Variants in FREM2 observed in about 807,000 individuals in gnomAD.
FREM2 encodes the protein FRAS1-related extracellular matrix protein 2.
Under a neutral mutation model 219.9 loss-of-function variants are expected in FREM2, and 119 were observed. The observed-to-expected ratio is 0.54, with a 90% CI of 0.47 to 0.63. FREM2 has a LOEUF of 0.63. Among genes scored for constraint, FREM2 ranks in the 30% least tolerant of loss-of-function variants. FREM2 has a pLI of 0.00. For synonymous variants in FREM2, 1,562 were observed against 1,522.8 expected (o/e 1.03, Z -0.60); for missense variants, 4,030 against 3,993.6 (o/e 1.01, Z -0.25).
At chr13:38,787,549 A>G (rs1217281835) in intron 6 of FREM2, among the ~76,000 whole-genome samples, 3 of 152,112 alleles carry the variant, frequency 2.0e-5, no homozygotes, top group Admixed American at 6.6e-5. Flanking sequence ...CATCGTCAGG[A>G]AGATAGATAG....
intron 16 of FREM2, among the ~76,000 whole-genome samples, chr13:38,871,030 C>T (rs947105259): frequency 1.3e-5 from 2 of 152,120 alleles, no homozygotes; most frequent in Non-Finnish European, 1.5e-5. Context: ...CATTTCCCTG[C>T]ACTTCAAAAT....
chr13:38,799,255 A>G (rs1313729930), intron 6 of FREM2, among the ~76,000 whole-genome samples: 3 of 151,630 alleles, frequency 2.0e-5, no homozygotes, highest in Non-Finnish European at 3.0e-5. Flanking sequence ...TTTAATTTTC[A>G]TGTATTTGTA....
In FREM2 at chr13:38,814,797, T is replaced by C. The variant is rs566837799; in HGVS notation, c.6019+29989T>C. On this transcript the variant is annotated intron_variant, in intron 6 of 23. Transcript: ENST00000280481. ...AACCACAATGCAAAGTGCTTGCTGC[T>C]CTTCTCTCCCCTTTTCGCAGTCAGA... 3.9e-5 allele frequency among the ~76,000 whole-genome samples: 6 copies of C among 152,316 alleles called. 1 individual carries two copies. In the East Asian group the frequency reaches 1.2e-3, roughly 29 times the overall value.
At chr13:38,775,582 T>TG (rs1873840049) in intron 4 of FREM2, among the ~76,000 whole-genome samples, 1 of 152,194 alleles carries the variant, frequency 6.6e-6, no homozygotes, top group African/African-American at 2.4e-5. Flanking sequence ...AACAAAAACA[T>TG]TTAATAATTC....
intron 7 of FREM2, 36 bp from the exon 8 acceptor site, chr13:38,848,425 A>G (rs1302288559): frequency 1.4e-6 from 2 of 1,407,488 alleles, no homozygotes; most frequent in Admixed American, 3.3e-5. Flanking sequence ...AAATTTAATT[A>G]GTCCCCAACT....
chr13:38,807,228 T>TG lies in FREM2; in HGVS notation c.6019+22421dup, dbSNP rs71074482. Among the ~76,000 whole-genome samples, 10 of 129,656 alleles carry TG rather than the reference T, an allele frequency of 7.7e-5. 1 individual carries two copies. In the Admixed American group the frequency reaches 8.0e-4, roughly 10 times the overall value. The allele number at this position is 129,656 out of a possible 152,430, so 85.1% of individuals were successfully genotyped here. ...ATATATATATATATATATATATATA[T>TG]GTATGGTTTTGTTTTGTTTTGTTTT... On this transcript the variant is annotated intron_variant, in intron 6 of 23. Transcript: ENST00000280481.
At chr13:38,813,494 CT>C (rs1381133294) in intron 6 of FREM2, among the ~76,000 whole-genome samples, 485 of 16,280 alleles carry the variant, frequency 0.03, 19 homozygotes, top group African/African-American at 0.093. Context: ...CTCTCTCTCT[CT>C]CTCTCTCTCT....
At chr13:38,742,834 C>G (rs1000452269) in intron 2 of FREM2, among the ~76,000 whole-genome samples, 3 of 152,088 alleles carry the variant, frequency 2.0e-5, no homozygotes, top group Non-Finnish European at 1.5e-5. Context: ...TCTACTGAAC[C>G]AACAACATGT....
rs1401363004 is a variant in FREM2, at chr13:38,691,350, G to T, written c.4006G>T (p.Asp1336Tyr). 6.2e-7 allele frequency: 1 copy of T among 1,613,658 alleles called. No homozygotes were observed. Among genetic ancestry groups the T allele is most frequent in the Admixed American group, 1.7e-5 (1 of 60,002 alleles). Residue 1336 changes from aspartate to tyrosine, a missense_variant, in exon 1 of 24, where the codon GAC becomes TAC. This residue lies in a region of FREM2 where 3,102 missense variants were observed against 2,950.7 expected (regional missense o/e 1.05). Transcript: ENST00000280481. ...AATGGCAACAGATTTAGATTCAGAA[G>T]ACAAATCTTTGGTTTATATTATTCG... ...ILMATDLDSE[D>Y]KSLVYIIRYG...
chr13:38,832,772 C>T (rs1286753784), intron 6 of FREM2, among the ~76,000 whole-genome samples: 1 of 152,068 alleles, frequency 6.6e-6, no homozygotes, highest in Non-Finnish European at 1.5e-5. Context: ...CAGCAGGGTT[C>T]AGTGGCTCAT....
chr13:38,774,140 G>A (rs1229811522), intron 4 of FREM2, among the ~76,000 whole-genome samples: 2 of 151,708 alleles, frequency 1.3e-5, no homozygotes, highest in Admixed American at 6.6e-5. Context: ...TCACTGTGAC[G>A]TTGTTTTACT....
chr13:38,750,786 G>A (rs1444721549), intron 2 of FREM2, among the ~76,000 whole-genome samples: 1 of 151,898 alleles, frequency 6.6e-6, no homozygotes, highest in African/African-American at 2.4e-5. Flanking sequence ...CTCTGCCTCT[G>A]GGGTTCAAGC....
At chr13:38,865,003 A>G (rs1053298717) in intron 16 of FREM2, among the ~76,000 whole-genome samples, 5 of 152,074 alleles carry the variant, frequency 3.3e-5, no homozygotes, top group African/African-American at 1.2e-4. Flanking sequence ...GAGGTTTTAC[A>G]ATCCTGGGAG....
In FREM2 at chr13:38,719,424, T is replaced by A. The variant is rs151005873; in HGVS notation, c.5263+21637T>A. The stretch of plus-strand genomic sequence containing the variant: ...TTAGTAGAGATGGGGTTTCGCCATG[T>A]TGGCCAGGCTGGTTCCGAACCCCTG... On this transcript the variant is annotated intron_variant, in intron 2 of 23. Coordinates refer to ENST00000280481, the MANE Select transcript of FREM2 (RefSeq NM_207361.6). Among the ~76,000 whole-genome samples, 151 of 152,326 alleles carry A rather than the reference T, an allele frequency of 9.9e-4. 2 individuals carry two copies. The East Asian group carries it at 0.012, about 12-fold the overall frequency.
intron 17 of FREM2, 57 bp downstream of exon 17, chr13:38,872,991 A>G (rs554301194): frequency 2.0e-6 from 3 of 1,530,082 alleles, no homozygotes; most frequent in South Asian, 2.3e-5. Flanking sequence ...AAACTATTTA[A>G]GACGATTTTT....
At chr13:38,724,069 T>C (rs1871410309) in intron 2 of FREM2, among the ~76,000 whole-genome samples, 1 of 152,196 alleles carries the variant, frequency 6.6e-6, no homozygotes, top group Non-Finnish European at 1.5e-5. Flanking sequence ...TTTACTCCTT[T>C]GCTGAGTCAG....
In FREM2 at chr13:38,880,647, A is replaced by T. The variant is rs778029314; in HGVS notation, c.9370A>T (p.Thr3124Ser). 2.5e-5 allele frequency: 40 copies of T among 1,614,020 alleles called. No individual in the cohort carries two copies. The highest frequency in any genetic ancestry group is 3.2e-5 in the Non-Finnish European group (38 of 1,179,998). ...GGGAGGCACCACGGTAGGGTTACTC[A>T]CCATCTGCCTCACTGTCATTGCAGT... ...VVGGTTVGLL[T>S]ICLTVIAVLM... The change falls in exon 24 of 24, where the codon ACC becomes TCC. Residue 3124 changes from threonine (T) to serine (S), a missense_variant. Thr to Ser is a moderately conservative substitution (Grantham distance 58). Coordinates refer to ENST00000280481, the MANE Select transcript of FREM2 (RefSeq NM_207361.6).
intron 2 of FREM2, among the ~76,000 whole-genome samples, chr13:38,717,575 C>T (rs1359021476): frequency 6.6e-6 from 1 of 151,940 alleles, no homozygotes; most frequent in Non-Finnish European, 1.5e-5. Context: ...CATCAACATG[C>T]CCAGCTAATT....
intron 6 of FREM2, among the ~76,000 whole-genome samples, chr13:38,814,434 T>A (rs1374654077): frequency 6.6e-6 from 1 of 152,202 alleles, no homozygotes; most frequent in Non-Finnish European, 1.5e-5. Flanking sequence ...TGGTCTTGGC[T>A]GAGATCCAGA....
Sources: gnomAD v4.1 joint callset for allele counts (sites outside exome capture counted in the v4.1 genomes callset) on GRCh38, gnomAD v4.1.1 for gene constraint, gnomAD v4.1.1 regional missense constraint, MANE v1.5 for transcripts, NCBI Gene and HGNC (gene_info 2026-07-23, HGNC 2026-07-21) for gene names.